SPAG16: variants seen among roughly 807,000 people sequenced by gnomAD.
SPAG16 encodes sperm-associated antigen 16 protein.
In SPAG16, 86 loss-of-function variants were observed where a neutral mutation model predicts 80.4. The observed-to-expected ratio is 1.07, with a 90% confidence interval of 0.90 to 1.28. The LOEUF (loss-of-function observed/expected upper bound fraction) is 1.28. SPAG16 is among the 50% of genes most tolerant of loss of function. The pLI is 0.00. For missense variants in SPAG16, 870 were observed against 765.3 expected (o/e 1.14, Z -1.61); for synonymous variants, 294 against 265.9 (o/e 1.11, Z -1.03).
intron 10 of SPAG16, among the ~76,000 whole-genome samples, chr2:213,808,313 C>T (rs1375859074): frequency 3.3e-5 from 5 of 152,034 alleles, no homozygotes; most frequent in Admixed American, 6.6e-5. Context: ...TGCAAAGATC[C>T]TAAGGCAGAA....
intron 10 of SPAG16, among the ~76,000 whole-genome samples, chr2:213,592,663 A>G (rs1347665688): frequency 6.6e-6 from 1 of 152,148 alleles, no homozygotes; most frequent in Admixed American, 6.5e-5. Flanking sequence ...GAACATCTTC[A>G]TTTGAAGATA....
intron 13 of SPAG16, among the ~76,000 whole-genome samples, chr2:214,015,024 G>A (rs943258951): frequency 6.6e-6 from 1 of 152,146 alleles, no homozygotes; most frequent in Non-Finnish European, 1.5e-5. Flanking sequence ...GCTTGAGGAG[G>A]AGTCATGACT....
chr2:214,176,629 T>G (rs190523023), intron 15 of SPAG16, among the ~76,000 whole-genome samples: 1 of 151,466 alleles, frequency 6.6e-6, no homozygotes, highest in Admixed American at 6.6e-5. Context: ...GAATGTATAG[T>G]TGTATATTAT....
chr2:214,365,837 A>G (rs1487515626), intron 15 of SPAG16, among the ~76,000 whole-genome samples: 2 of 152,170 alleles, frequency 1.3e-5, no homozygotes, highest in African/African-American at 4.8e-5. Flanking sequence ...AGTCTGACAT[A>G]TTCTATTATC....
chr2:213,538,200 C>A (rs1347570356), intron 10 of SPAG16, among the ~76,000 whole-genome samples: 1 of 152,086 alleles, frequency 6.6e-6, no homozygotes, highest in African/African-American at 2.4e-5. Context: ...AACTTCTGTA[C>A]ATGTAGCAAA....
rs539520966 is a variant in SPAG16 at position 213,427,021 on chromosome 2, G to A, written c.942+51902G>A. Among the ~76,000 whole-genome samples, 13 of 151,096 alleles carry A rather than the reference G, an allele frequency of 8.6e-5. 2 individuals are homozygous for A. The South Asian group carries it at 1.7e-3, about 20-fold the overall frequency. ...CCTTTTAAGATTATAGGTTTATTTC[G>A]CCTTTTGCCTAAAAACAAAACTAGT... On this transcript the variant is annotated intron_variant, in intron 9 of 15. Coordinates refer to ENST00000331683, the MANE Select transcript of SPAG16 (RefSeq NM_024532.5).
chr2:213,286,362 C>A lies in SPAG16; in HGVS notation c.136+1743C>A, dbSNP rs984075186. ...TTTAACCAGTTTATTTTGCTATATT[C>A]CATGCTGAGGGAAGAGGTTTAGTCA... is the stretch of plus-strand genomic sequence containing the variant. On this transcript the variant is annotated intron_variant, in intron 1 of 15. Transcript: ENST00000331683. Among the ~76,000 whole-genome samples the A allele has an allele frequency of 6.6e-5, 10 of 152,168 alleles. No homozygotes were observed. In the South Asian group the frequency reaches 2.1e-3, roughly 32 times the overall value.
chr2:214,346,559 T>C (rs1698066434), intron 15 of SPAG16, among the ~76,000 whole-genome samples: 1 of 152,170 alleles, frequency 6.6e-6, no homozygotes, highest in African/African-American at 2.4e-5. Flanking sequence ...CTTGAATCTG[T>C]AGAAGCTTGT....
At chr2:214,116,453 C>T (rs1259656646) in intron 14 of SPAG16, among the ~76,000 whole-genome samples, 1 of 152,186 alleles carries the variant, frequency 6.6e-6, no homozygotes, top group African/African-American at 2.4e-5. Flanking sequence ...TTTTGGGGAA[C>T]TATGCTGTCT....
At chr2:213,409,083 C>G (rs1575515318) in intron 9 of SPAG16, among the ~76,000 whole-genome samples, 1 of 147,884 alleles carries the variant, frequency 6.8e-6, no homozygotes, top group Non-Finnish European at 1.5e-5. Flanking sequence ...AGGAATGTTC[C>G]ATGGTAAATT....
chr2:213,983,911 G>T (rs187320201), intron 12 of SPAG16, among the ~76,000 whole-genome samples: 1 of 151,908 alleles, frequency 6.6e-6, no homozygotes. Flanking sequence ...ATTGGAACCC[G>T]CATGCAAGTC....
Position 213,301,682 on chromosome 2 carries a change from G to A in SPAG16, c.279+4325G>A, listed in dbSNP as rs866294403. 5.9e-5 allele frequency among the ~76,000 whole-genome samples: 9 copies of A among 152,116 alleles called. 1 individual carries two copies. The South Asian group carries it at 1.7e-3, about 28-fold the overall frequency. ...TTCCTTCTATTCCCACCTAAAAGAT[G>A]TGTCTAATGCAAATTTCAGTTTATC... On this transcript the variant is annotated intron_variant, in intron 3 of 15. Coordinates refer to ENST00000331683, the MANE Select transcript of SPAG16 (RefSeq NM_024532.5).
chr2:213,920,726 A>G (rs1476036358), intron 11 of SPAG16, among the ~76,000 whole-genome samples: 4 of 152,156 alleles, frequency 2.6e-5, no homozygotes, highest in Non-Finnish European at 5.9e-5. Flanking sequence ...GGGCAAGACC[A>G]CCATGCAGAG....
chr2:214,291,283 A>G (rs1693771034), intron 15 of SPAG16, among the ~76,000 whole-genome samples: 1 of 135,706 alleles, frequency 7.4e-6, no homozygotes, highest in Admixed American at 7.4e-5. Context: ...TTAGCAGTAT[A>G]TATTTAGATC....
intron 15 of SPAG16, among the ~76,000 whole-genome samples, chr2:214,229,394 T>C (rs562678845): frequency 1.7e-4 from 26 of 151,948 alleles, no homozygotes; most frequent in African/African-American, 6.0e-4. Context: ...TTTATTATCC[T>C]GCCATTTGTT....
At chr2:213,952,872 A>G (rs2043923552) in intron 12 of SPAG16, among the ~76,000 whole-genome samples, 1 of 152,120 alleles carries the variant, frequency 6.6e-6, no homozygotes, top group Non-Finnish European at 1.5e-5. Context: ...CTGTAGCTTC[A>G]TTCTCATTTC....
At chr2:213,940,982 A>C (rs2079175169) in intron 12 of SPAG16, among the ~76,000 whole-genome samples, 1 of 152,158 alleles carries the variant, frequency 6.6e-6, no homozygotes, top group African/African-American at 2.4e-5. Flanking sequence ...TATTCTTACA[A>C]ACCACTGAGG....
intron 15 of SPAG16, among the ~76,000 whole-genome samples, chr2:214,375,543 T>TAC (rs988141276): frequency 3.3e-5 from 5 of 152,036 alleles, no homozygotes; most frequent in African/African-American, 1.2e-4. Context: ...AACACACAAA[T>TAC]ACACACACAC....
chr2:213,980,725 T>TATATATATATAGAGAGAGAG lies in SPAG16; in HGVS notation c.1401-33225_1401-33224insTATATATATAGAGAGAGAGA, dbSNP rs374274176. ...GTGTGTGTGTGTGTATATATATATA[T>TATATATATATAGAGAGAGAG]AGAGAGAGAGAGAGAGAGAGAGAGA... On this transcript the variant is annotated intron_variant, in intron 12 of 15. Transcript: ENST00000331683. Among the ~76,000 whole-genome samples, 299 of 103,938 alleles carry TATATATATATAGAGAGAGAG rather than the reference T, an allele frequency of 2.9e-3. 2 individuals carry two copies. The highest frequency in any genetic ancestry group is 7.1e-3 in the African/African-American group (143 of 20,058). 68.2% of individuals were successfully genotyped at this position (103,938 alleles called of 152,430 possible). A position where few individuals can be genotyped will look rare whatever the true frequency, so the allele number is the denominator to read the frequency against.
Sources: gnomAD v4.1 joint callset for allele counts (sites outside exome capture counted in the v4.1 genomes callset) on GRCh38, gnomAD v4.1.1 for gene constraint, MANE v1.5 for transcripts, NCBI Gene and HGNC (gene_info 2026-07-23, HGNC 2026-07-21) for gene names.